The following CSNK2A2 variants were observed in gnomAD, a reference collection of about 807,000 sequenced individuals.
CSNK2A2 encodes the protein casein kinase 2 alpha 2.
Under a neutral mutation model 54.0 loss-of-function variants are expected in CSNK2A2, and 8 were observed. The observed-to-expected ratio is 0.15, with a 90% confidence interval of 0.09 to 0.27. The LOEUF is 0.27. CSNK2A2 is among the 10% of genes least tolerant of loss of function. CSNK2A2 has a pLI of 1.00. For missense variants in CSNK2A2, 242 were observed against 439.4 expected, an observed-to-expected ratio of 0.55 and a Z score of 4.02; for synonymous variants, 141 against 153.9, an observed-to-expected ratio of 0.92 and a Z score of 0.62.
intron 8 of CSNK2A2, 50 bp from the exon 9 acceptor site, chr16:58,166,734 G>T (rs761983506): frequency 3.1e-5 from 41 of 1,302,406 alleles, no homozygotes; most frequent in Non-Finnish European, 4.4e-5. Context: ...AACACACCAT[G>T]AGCCCGTGAG....
intron 4 of CSNK2A2, among the ~76,000 whole-genome samples, chr16:58,178,765 C>T (rs1022814405): frequency 2.0e-4 from 30 of 152,100 alleles, no homozygotes; most frequent in African/African-American, 7.0e-4. Flanking sequence ...AATACCTCTA[C>T]CATAAAGTGA....
At chr16:58,178,011 C>T (rs1961925095) in intron 4 of CSNK2A2, among the ~76,000 whole-genome samples, 1 of 152,070 alleles carries the variant, frequency 6.6e-6, no homozygotes, top group African/African-American at 2.4e-5. Context: ...TGTTAACGAC[C>T]TATAATAACA....
chr16:58,173,826 C>T (rs1961804299), intron 5 of CSNK2A2, among the ~76,000 whole-genome samples: 2 of 152,176 alleles, frequency 1.3e-5, no homozygotes, highest in South Asian at 2.1e-4. Flanking sequence ...TAGGCTTGGC[C>T]ATGTGATTTG....
chr16:58,190,356 T>C (rs761131049), intron 2 of CSNK2A2, among the ~76,000 whole-genome samples: 11 of 152,156 alleles, frequency 7.2e-5, no homozygotes, highest in Admixed American at 1.3e-4. Context: ...TTTACTCTAC[T>C]ACCAAACTAA....
intron 2 of CSNK2A2, among the ~76,000 whole-genome samples, chr16:58,191,475 C>A (rs1160271137): frequency 6.6e-6 from 1 of 152,134 alleles, no homozygotes; most frequent in Admixed American, 6.5e-5. Flanking sequence ...AATTCTCCTG[C>A]CTTAGCTTCC....
chr16:58,167,647 G>A, intron 7 of CSNK2A2, 38 bp downstream of exon 7: 1 of 1,482,208 alleles, frequency 6.7e-7, no homozygotes, highest in African/African-American at 1.4e-5. Context: ...CCCTAAGCAA[G>A]TATAAATAAC....
Position 58,188,955 on chromosome 16 carries a change from CTT to C in CSNK2A2, c.217-2101_217-2100del, listed in dbSNP as rs57552824. On this transcript the variant is annotated intron_variant, in intron 2 of 11. Transcript: ENST00000262506. Reference sequence around the variant, plus strand: ...AAGTTAAAAGAAAAATAAAAACTGGCTTTTTTTTTTTTTTTTTTTGAGACGGA... The same window carrying C: ...AAGTTAAAAGAAAAATAAAAACTGGCTTTTTTTTTTTTTTTTTGAGACGGA... Among the ~76,000 whole-genome samples, 634 of 99,652 alleles carry C rather than the reference CTT, an allele frequency of 6.4e-3. 4 individuals carry two copies. The highest frequency in any genetic ancestry group is 0.016 in the African/African-American group (425 of 26,870). 65.4% of individuals were successfully genotyped at this position (99,652 alleles called of 152,430 possible).
At chr16:58,184,983 TATTTTTAAAGCACTATA>T (rs1209019538) in intron 3 of CSNK2A2, among the ~76,000 whole-genome samples, 1 of 152,222 alleles carries the variant, frequency 6.6e-6, no homozygotes, top group African/African-American at 2.4e-5. Context: ...TATAATCAAA[TATTTTTAAAGCACTATA>T]ATCTTTAATC....
chr16:58,162,809 A>C (rs920162797), intron 11 of CSNK2A2: 10 of 152,170 alleles, frequency 6.6e-5, no homozygotes, highest in Non-Finnish European at 1.0e-4. Flanking sequence ...TTCTCTGCTA[A>C]CATGAAGGTT....
chr16:58,167,906 GA>G, intron 6 of CSNK2A2, 111 bp from the exon 7 acceptor site: 1 of 804,772 alleles, frequency 1.2e-6, no homozygotes, highest in Non-Finnish European at 2.1e-6. Flanking sequence ...CAAAAAATGT[GA>G]GCAGGTGCAC....
chr16:58,180,256 G>C (rs572659735), intron 4 of CSNK2A2, among the ~76,000 whole-genome samples: 57 of 151,828 alleles, frequency 3.8e-4, no homozygotes, highest in African/African-American at 1.3e-3. Context: ...AAACCAAAAA[G>C]CTGGTTCTTT....
intron 2 of CSNK2A2, among the ~76,000 whole-genome samples, chr16:58,192,131 T>C (rs1222043811): frequency 3.9e-5 from 6 of 152,212 alleles, no homozygotes; most frequent in Non-Finnish European, 1.5e-5. Context: ...TGTATGCTTA[T>C]TTCATAGATG....
rs1225686849 is a variant in CSNK2A2 at position 58,174,495 on chromosome 16, G to A, written c.385C>T (p.Leu129=). The A allele has an allele frequency of 1.9e-6, 3 of 1,612,376 alleles. No individual in the cohort carries two copies. In the African/African-American group the frequency reaches 4.0e-5, roughly 22 times the overall value. ...TAAAACCGGATATCAAAGTCTGTCA[G>A]GATCTGGTAGAGTTGCTGAAACAGA... ...NTDFKQLYQI[L]TDFDIRFYMY... Residue 129 remains leucine (L), a synonymous_variant, in exon 5 of 12, where the codon CTG becomes TTG. Transcript: ENST00000262506.
intron 4 of CSNK2A2, among the ~76,000 whole-genome samples, chr16:58,180,833 T>C (rs1962018163): frequency 6.6e-6 from 1 of 152,152 alleles, no homozygotes; most frequent in Admixed American, 6.6e-5. Context: ...AACCAGTTAT[T>C]AATATACTTT....
At chr16:58,165,926 A>G (rs1365933071) in intron 9 of CSNK2A2, among the ~76,000 whole-genome samples, 3 of 152,220 alleles carry the variant, frequency 2.0e-5, no homozygotes, top group African/African-American at 4.8e-5. Flanking sequence ...TAAAACTTCT[A>G]TATCTCATTT....
intron 5 of CSNK2A2, 148 bp downstream of exon 5, chr16:58,174,303 C>T (rs569843017): frequency 3.5e-6 from 2 of 569,384 alleles, no homozygotes; most frequent in African/African-American, 2.0e-5. Flanking sequence ...GAAGATTCCT[C>T]GATGGAGGCC....
At position 58,172,747 on chromosome 16, in the gene CSNK2A2, T is replaced by C. The variant is rs184500049; in HGVS notation, c.429+1704A>G. Among the ~76,000 whole-genome samples, 3 of 152,376 alleles carry C rather than the reference T, an allele frequency of 2.0e-5. No individual in the cohort carries two copies. In the East Asian group the frequency reaches 5.8e-4, roughly 29 times the overall value. On this transcript the variant is annotated intron_variant, in intron 5 of 11. Transcript: ENST00000262506. ...GAATTATTTCAGTTTTAAAATCTCG[T>C]ACAGTTTCTGACCATTAAGCATGAA...
chr16:58,186,636 T>A (rs976675666), intron 3 of CSNK2A2, 119 bp downstream of exon 3: 1 of 673,208 alleles, frequency 1.5e-6, no homozygotes, highest in African/African-American at 1.8e-5. Flanking sequence ...AACCAGTCAG[T>A]AGTTAAAGAC....
intron 2 of CSNK2A2, among the ~76,000 whole-genome samples, chr16:58,189,299 G>A (rs1962269319): frequency 6.6e-6 from 1 of 152,090 alleles, no homozygotes; most frequent in Admixed American, 6.6e-5. Context: ...AATGCTACCA[G>A]TTTAGTCAAT....
Sources: allele counts gnomAD v4.1 joint callset (sites outside exome capture counted in the v4.1 genomes callset), GRCh38; gene constraint gnomAD v4.1.1; transcripts MANE v1.5; gene names NCBI Gene and HGNC (gene_info 2026-07-23, HGNC 2026-07-21).